Variants in CELF2 observed in about 807,000 individuals in gnomAD.
CELF2 encodes CUG triplet repeat RNA-binding protein 2.
A neutral mutation model predicts 62.6 loss-of-function variants in CELF2; 8 were observed. The ratio of observed to expected loss-of-function variants is 0.13; its 90% CI spans 0.07 to 0.23. CELF2 has a LOEUF of 0.23. CELF2 is among the 10% of genes least tolerant of loss of function. CELF2 has a pLI of 1.00. For synonymous variants in CELF2, 258 were observed against 250.0 expected, an observed-to-expected ratio of 1.03 and a Z score of -0.30; for missense variants, 333 against 671.0, an observed-to-expected ratio of 0.50 and a Z score of 5.56.
chr10:10,933,176 G>A lies in CELF2; in HGVS notation c.89+13177G>A, dbSNP rs116315271. On this transcript the variant is annotated intron_variant, in intron 2 of 13. Coordinates refer to the CELF2 transcript ENST00000636488. ...AAGTTAGCCAGGCATGGTGGCACAC[G>A]GCTGTAGTCCCAGTGACTCAGGAGG... Among the ~76,000 whole-genome samples, 988 of 151,796 alleles carry A rather than the reference G, an allele frequency of 6.5e-3. 7 individuals carry two copies. The highest frequency in any genetic ancestry group is 0.022 in the African/African-American group (914 of 41,414).
chr10:10,670,339 A>G, the CELF2 span, among the ~76,000 whole-genome samples: 1 of 152,250 alleles, frequency 6.6e-6, no homozygotes. Context: ...CAAACATCAA[A>G]CAAAACATAA....
chr10:11,041,983 G>A (rs928692455), intron 1 of CELF2, among the ~76,000 whole-genome samples: 7 of 152,132 alleles, frequency 4.6e-5, no homozygotes, highest in African/African-American at 1.7e-4. Context: ...CTACCCATTG[G>A]GGGCATAATT....
At chr10:11,138,516 G>T (rs915513707) in intron 1 of CELF2, among the ~76,000 whole-genome samples, 10 of 152,212 alleles carry the variant, frequency 6.6e-5, no homozygotes, top group Middle Eastern at 6.8e-3. Context: ...TTTACACACC[G>T]ACAGCTATGA....
chr10:11,144,456 A>G (rs947153603), intron 1 of CELF2, among the ~76,000 whole-genome samples: 32 of 152,164 alleles, frequency 2.1e-4, no homozygotes, highest in African/African-American at 5.8e-4. Flanking sequence ...TTCCAGCAGA[A>G]TTATCGTGCT....
At chr10:11,071,627 G>C (rs969088931) in intron 1 of CELF2, 4 of 152,162 alleles carry the variant, frequency 2.6e-5, no homozygotes, top group Non-Finnish European at 5.9e-5. Context: ...TTCAAGATCA[G>C]CTCCCTTTCT....
the CELF2 span, among the ~76,000 whole-genome samples, chr10:10,505,121 T>A: frequency 6.6e-6 from 1 of 152,172 alleles, no homozygotes; most frequent in Non-Finnish European, 1.5e-5. Flanking sequence ...AACCTAGACA[T>A]TTTTGTCTTA....
At chr10:10,839,302 T>A (rs1359037375) in intron 1 of CELF2, among the ~76,000 whole-genome samples, 1 of 152,230 alleles carries the variant, frequency 6.6e-6, no homozygotes, top group African/African-American at 2.4e-5. Context: ...TATCTCTACA[T>A]GTAACCCTCT....
At chr10:10,746,917 C>G in the CELF2 span, among the ~76,000 whole-genome samples, 1 of 152,166 alleles carries the variant, frequency 6.6e-6, no homozygotes, top group South Asian at 2.1e-4. Flanking sequence ...CCTGGTGTCA[C>G]CATGTGTTAG....
intron 1 of CELF2, among the ~76,000 whole-genome samples, chr10:11,099,263 C>A (rs2050766430): frequency 6.6e-6 from 1 of 152,120 alleles, no homozygotes; most frequent in Non-Finnish European, 1.5e-5. Context: ...TGATTAATAG[C>A]CCCCATCCAT....
At position 10,993,313 on chromosome 10, in the gene CELF2, C is replaced by G. The variant is rs2053623384; in HGVS notation, c.89+73314C>G. Among the ~76,000 whole-genome samples, 1 of 152,072 alleles carries G rather than the reference C, an allele frequency of 6.6e-6. No individual in the cohort carries two copies. The highest frequency in any genetic ancestry group is 1.9e-4 in the East Asian group (1 of 5,178). On this transcript the variant is annotated intron_variant, in intron 2 of 13. Transcript: ENST00000636488. The surrounding 1 kb of genome is among the most constrained non-coding windows in gnomAD (Gnocchi z 5.3). ...ATTTGACTCATTACAAAGGCTTTGA[C>G]TCATTTCAAAGCCATCACAAGAGGC...
In CELF2 at chr10:11,335,034, C is replaced by G. The variant is rs1396608402; in HGVS notation, c.*5981C>G. On this transcript the variant is annotated 3_prime_UTR_variant, in exon 13 of 13. Transcript: ENST00000633077. The surrounding 1 kb of genome is among the most constrained non-coding windows in gnomAD (Gnocchi z 5.0). ...CAAGGGCTCAAATGGAAGCTGTACT[C>G]AGTCCGGTGGAGGCAGGGGGAGGTA... 1 of 152,228 alleles carries G rather than the reference C, an allele frequency of 6.6e-6. No individual in the cohort carries two copies. Among genetic ancestry groups the G allele is most frequent in the Non-Finnish European group, 1.5e-5 (1 of 68,044 alleles). 9.4% of individuals were successfully genotyped at this position (152,228 alleles called of 1,614,324 possible).
At position 11,312,162 on chromosome 10, in the gene CELF2, C is replaced by T. The variant is rs534759984; in HGVS notation, c.977-1977C>T. On this transcript the variant is annotated intron_variant, in intron 9 of 12. Transcript: ENST00000633077. ...TGTGCTTGGAAAAACCTCTCAGTCT[C>T]GAATACCCAGGAAAGAAATATTTCA... 1.9e-4 allele frequency among the ~76,000 whole-genome samples: 29 copies of T among 152,238 alleles called. No homozygotes were observed. In the South Asian group the frequency reaches 4.6e-3, roughly 24 times the overall value.
the CELF2 span, among the ~76,000 whole-genome samples, chr10:10,614,916 A>G: frequency 4.6e-5 from 7 of 152,036 alleles, no homozygotes; most frequent in Non-Finnish European, 5.9e-5. Flanking sequence ...TTGTCTACAC[A>G]TAACTCTTTT....
chr10:11,317,018 G>A (rs2095053835), intron 10 of CELF2: 1 of 152,166 alleles, frequency 6.6e-6, no homozygotes, highest in Admixed American at 6.5e-5. Flanking sequence ...GTTAACATCT[G>A]AACTAAGTTG....
chr10:10,475,503 C>A, the CELF2 span, among the ~76,000 whole-genome samples: 1 of 151,426 alleles, frequency 6.6e-6, no homozygotes. Context: ...TAATTTTCTA[C>A]TTCCAGATCA....
chr10:10,558,635 G>A, the CELF2 span, among the ~76,000 whole-genome samples: 5 of 151,906 alleles, frequency 3.3e-5, no homozygotes, highest in East Asian at 9.7e-4. Flanking sequence ...TGTACCTCTG[G>A]TAGAATTCGG....
chr10:11,025,239 G>GTATATATATATATATA lies in CELF2; in HGVS notation c.74+7081_74+7082insATATATATATATATAT, dbSNP rs71378775. Among the ~76,000 whole-genome samples the GTATATATATATATATA allele has an allele frequency of 3.2e-3, 455 of 141,042 alleles. 3 individuals are homozygous for GTATATATATATATATA. Among genetic ancestry groups the GTATATATATATATATA allele is most frequent in the East Asian group, 7.1e-3 (33 of 4,654 alleles). The allele number at this position is 141,042 out of a possible 152,430, so 92.5% of individuals were successfully genotyped here. On this transcript the variant is annotated intron_variant, in intron 1 of 12. Transcript: ENST00000633077. ...TGTGTGTGTGTGTGTGTGTGTGTGT[G>GTATATATATATATATA]TATATGTATGTGACTGTATATCTGG...
chr10:10,492,685 A>G, the CELF2 span, among the ~76,000 whole-genome samples: 19 of 152,184 alleles, frequency 1.2e-4, no homozygotes, highest in African/African-American at 3.4e-4. Flanking sequence ...ACCACCATAA[A>G]CAAAAAGTGA....
At chr10:11,164,178 C>T (rs781641019) in intron 1 of CELF2, among the ~76,000 whole-genome samples, 7 of 152,162 alleles carry the variant, frequency 4.6e-5, no homozygotes, top group Admixed American at 6.5e-5. Flanking sequence ...GGAGCAAGCG[C>T]GCAGTGCTGC....
Sources: gnomAD v4.1 joint callset for allele counts (sites outside exome capture counted in the v4.1 genomes callset) on GRCh38, gnomAD v4.1.1 for gene constraint, Gnocchi (gnomAD v3.1) non-coding constraint, MANE v1.5 for transcripts, NCBI Gene and HGNC (gene_info 2026-07-23, HGNC 2026-07-21) for gene names.